Variants in GRID2 observed in about 807,000 individuals in gnomAD.
GRID2 encodes glutamate ionotropic receptor delta type subunit 2.
GRID2 carries 33 observed loss-of-function variants against 114.8 expected under a neutral mutation model. The ratio of observed to expected loss-of-function variants is 0.29; its 90% CI spans 0.22 to 0.38. The LOEUF (loss-of-function observed/expected upper bound fraction) is 0.38, where lower values mean the gene tolerates loss of function less well. GRID2 is among the 10% of genes least tolerant of loss of function. The pLI, the probability that GRID2 is intolerant of heterozygous loss-of-function variation, is 1.00. For synonymous variants in GRID2, 505 were observed against 449.9 expected (o/e 1.12, Z -1.55); for missense variants, 1,184 against 1,257.7 (o/e 0.94, Z 0.89).
At chr4:92,553,103 A>G (rs1202667412) in intron 1 of GRID2, among the ~76,000 whole-genome samples, 1 of 152,160 alleles carries the variant, frequency 6.6e-6, no homozygotes, top group Non-Finnish European at 1.5e-5. Context: ...GAGCAAGGCT[A>G]AGAGGCCATA....
intron 13 of GRID2, among the ~76,000 whole-genome samples, chr4:93,591,194 G>C (rs1217651185): frequency 6.7e-6 from 1 of 150,276 alleles, no homozygotes; most frequent in Non-Finnish European, 1.5e-5. Context: ...CTGTGGGTTT[G>C]TCATAGATAG....
intron 13 of GRID2, among the ~76,000 whole-genome samples, chr4:93,612,010 G>T (rs1177920626): frequency 6.6e-6 from 1 of 151,356 alleles, no homozygotes; most frequent in Admixed American, 6.6e-5. Flanking sequence ...TGTATTGGGT[G>T]CATAAATATT....
chr4:92,779,790 G>A (rs968736200), intron 2 of GRID2, among the ~76,000 whole-genome samples: 4 of 152,052 alleles, frequency 2.6e-5, no homozygotes, highest in African/African-American at 9.7e-5. Flanking sequence ...TAAAGTCAGG[G>A]CTTTGTTACT....
chr4:92,725,352 G>T (rs1050557865), intron 2 of GRID2, among the ~76,000 whole-genome samples: 1 of 152,104 alleles, frequency 6.6e-6, no homozygotes. Context: ...ATAAATTGGA[G>T]AGTCTAACAT....
intron 1 of GRID2, among the ~76,000 whole-genome samples, chr4:92,517,448 G>T (rs1724552301): frequency 6.6e-6 from 1 of 151,894 alleles, no homozygotes; most frequent in Non-Finnish European, 1.5e-5. Flanking sequence ...GTAAGCAAAA[G>T]TCTTGGAAAG....
intron 2 of GRID2, among the ~76,000 whole-genome samples, chr4:93,043,006 A>G (rs1186941582): frequency 6.6e-6 from 1 of 152,070 alleles, no homozygotes; most frequent in East Asian, 1.9e-4. Context: ...TGAAAAAAGA[A>G]ACAATAGTTT....
chr4:93,810,162 C>A (rs1441726692), downstream of GRID2: 1 of 152,132 alleles, frequency 6.6e-6, no homozygotes, highest in African/African-American at 2.4e-5. Flanking sequence ...CGTACAGTAG[C>A]CTTTCTTGTA....
chr4:93,630,043 A>G (rs1743100451), intron 14 of GRID2, among the ~76,000 whole-genome samples: 1 of 152,218 alleles, frequency 6.6e-6, no homozygotes, highest in African/African-American at 2.4e-5. Flanking sequence ...GTATGATTGT[A>G]TGTGAGCGAA....
At chr4:92,959,057 C>CTTTTT (rs74267681) in intron 2 of GRID2, among the ~76,000 whole-genome samples, 11 of 70,824 alleles carry the variant, frequency 1.6e-4, no homozygotes, top group East Asian at 4.3e-4. Flanking sequence ...GTCCACTCTT[C>CTTTTT]TTTTTTTTTT....
At chr4:92,711,223 A>C (rs1735229654) in intron 2 of GRID2, among the ~76,000 whole-genome samples, 1 of 152,192 alleles carries the variant, frequency 6.6e-6, no homozygotes, top group African/African-American at 2.4e-5. Context: ...AGACATGCTA[A>C]TGGCAATTCA....
intron 2 of GRID2, among the ~76,000 whole-genome samples, chr4:92,696,637 C>T (rs1734437551): frequency 6.6e-6 from 1 of 152,094 alleles, no homozygotes; most frequent in South Asian, 2.1e-4. Flanking sequence ...TTGCTGTGAA[C>T]AACCGCAGAA....
chr4:92,342,015 T>C (rs1343513471), intron 1 of GRID2, among the ~76,000 whole-genome samples: 1 of 152,166 alleles, frequency 6.6e-6, no homozygotes, highest in Non-Finnish European at 1.5e-5. Context: ...AACAAACTTA[T>C]TTAACATTTT....
At chr4:93,107,891 C>T (rs1349864613) in intron 3 of GRID2, among the ~76,000 whole-genome samples, 1 of 152,124 alleles carries the variant, frequency 6.6e-6, no homozygotes, top group Non-Finnish European at 1.5e-5. Flanking sequence ...AGATCCTCTA[C>T]TTGAAACTTT....
chr4:93,267,405 AG>A (rs1185522428), intron 8 of GRID2, among the ~76,000 whole-genome samples: 1 of 152,120 alleles, frequency 6.6e-6, no homozygotes, highest in African/African-American at 2.4e-5. Context: ...ATGCCCCAGC[AG>A]GGGGTGGAGC....
intron 2 of GRID2, among the ~76,000 whole-genome samples, chr4:93,075,883 CTTTTTTTTTTTTTTTTTTT>C (rs10706922): frequency 0.018 from 1,363 of 76,516 alleles, 30 homozygotes; most frequent in African/African-American, 0.029. Flanking sequence ...AGTTACCTCT[CTTTTTTTTTTTTTTTTTTT>C]TTTTTTTTTT....
chr4:92,473,435 G>A (rs1395738684), intron 1 of GRID2, among the ~76,000 whole-genome samples: 2 of 151,944 alleles, frequency 1.3e-5, no homozygotes, highest in Admixed American at 6.6e-5. Flanking sequence ...AGTGCACTAG[G>A]CAATACATCC....
At chr4:92,695,484 T>G (rs1734385561) in intron 2 of GRID2, among the ~76,000 whole-genome samples, 1 of 152,148 alleles carries the variant, frequency 6.6e-6, no homozygotes, top group African/African-American at 2.4e-5. Flanking sequence ...GAATAATTTT[T>G]ACAATGCTTG....
At chr4:92,415,716 G>A (rs1731564771) in intron 1 of GRID2, among the ~76,000 whole-genome samples, 1 of 107,776 alleles carries the variant, frequency 9.3e-6, no homozygotes, top group African/African-American at 3.3e-5. Flanking sequence ...ATGTATGTGT[G>A]TGTGTGTGTG....
intron 1 of GRID2, among the ~76,000 whole-genome samples, chr4:92,376,214 G>A (rs1314102916): frequency 6.6e-6 from 1 of 152,042 alleles, no homozygotes; most frequent in Non-Finnish European, 1.5e-5. Context: ...GAAGTCTGAG[G>A]CAGGAGAATG....
Sources: allele counts gnomAD v4.1 joint callset (sites outside exome capture counted in the v4.1 genomes callset), GRCh38; gene constraint gnomAD v4.1.1; transcripts MANE v1.5; gene names NCBI Gene and HGNC (gene_info 2026-07-23, HGNC 2026-07-21).